TNRC6A: variants seen among roughly 807,000 people sequenced by gnomAD.
TNRC6A encodes the protein trinucleotide repeat containing adaptor 6A, also known as trinucleotide repeat-containing gene 6A protein.
A neutral mutation model predicts 221.2 loss-of-function variants in TNRC6A; 44 were observed. That is an observed-to-expected ratio of 0.20 (90% confidence interval 0.16 to 0.26). The LOEUF is 0.26. Ranked by LOEUF, TNRC6A falls within the 10% of genes least tolerant of loss-of-function variation. The pLI is 1.00. For missense variants in TNRC6A, 2,199 were observed against 2,404.4 expected (o/e 0.91, Z 1.79); for synonymous variants, 847 against 838.5 (o/e 1.01, Z -0.18).
At chr16:24,690,347 A>C (rs929844642) in intron 2 of TNRC6A, among the ~76,000 whole-genome samples, 5 of 152,246 alleles carry the variant, frequency 3.3e-5, no homozygotes, top group African/African-American at 4.8e-5. Context: ...AATAGGAAAT[A>C]ACAAGGAAGG....
At chr16:24,713,444 ACAAAC>A (rs779358288) in intron 2 of TNRC6A, among the ~76,000 whole-genome samples, 8,095 of 128,100 alleles carry the variant, frequency 0.063, 615 homozygotes, top group East Asian at 0.38. Flanking sequence ...AAACAAACAA[ACAAAC>A]AAAAAAATAT....
At chr16:24,708,868 A>G (rs545632466) in intron 2 of TNRC6A, among the ~76,000 whole-genome samples, 1 of 152,302 alleles carries the variant, frequency 6.6e-6, no homozygotes, top group South Asian at 2.1e-4. Flanking sequence ...CATGATACAC[A>G]TATGCCATAT....
intron 2 of TNRC6A, among the ~76,000 whole-genome samples, chr16:24,667,850 G>A (rs1485004558): frequency 6.6e-6 from 1 of 151,332 alleles, no homozygotes; most frequent in Admixed American, 6.6e-5. Flanking sequence ...ACCAGCCTGG[G>A]CAACATACCA....
chr16:24,661,242 C>T (rs1246926934), intron 2 of TNRC6A, among the ~76,000 whole-genome samples: 1 of 152,016 alleles, frequency 6.6e-6, no homozygotes, highest in Non-Finnish European at 1.5e-5. Context: ...CCCACCCTTC[C>T]CCTTCTGAGT....
chr16:24,631,083 A>G (rs1245589598), intron 1 of TNRC6A, among the ~76,000 whole-genome samples: 1 of 152,232 alleles, frequency 6.6e-6, no homozygotes, highest in Non-Finnish European at 1.5e-5. Flanking sequence ...AACTCTTGGA[A>G]TCAGAGAATT....
intron 2 of TNRC6A, among the ~76,000 whole-genome samples, chr16:24,692,078 T>G (rs990881782): frequency 2.0e-5 from 3 of 152,214 alleles, no homozygotes; most frequent in African/African-American, 7.2e-5. Context: ...AAGTATACTT[T>G]GCTTTCCTTT....
At chr16:24,738,862 TG>T (rs2151268670) in intron 2 of TNRC6A, among the ~76,000 whole-genome samples, 1 of 152,338 alleles carries the variant, frequency 6.6e-6, no homozygotes, top group East Asian at 1.9e-4. Flanking sequence ...TGTGTTGTTT[TG>T]TTTTGTTTTT....
chr16:24,680,674 C>A (rs1567351551), intron 2 of TNRC6A, among the ~76,000 whole-genome samples: 1 of 150,414 alleles, frequency 6.6e-6, no homozygotes, highest in Non-Finnish European at 1.5e-5. Flanking sequence ...CAGTATCCTG[C>A]CACTGCACTC....
Position 24,736,740 on chromosome 16 carries a change from A to G in TNRC6A, c.53+6440A>G, listed in dbSNP as rs1250247709. Among the ~76,000 whole-genome samples the G allele has an allele frequency of 2.6e-5, 4 of 152,160 alleles. No individual in the cohort carries two copies. The South Asian group carries it at 6.2e-4, about 24-fold the overall frequency. On this transcript the variant is annotated intron_variant, in intron 2 of 24. Coordinates refer to ENST00000395799, the MANE Select transcript of TNRC6A (RefSeq NM_014494.4). ...AGTAAATTAACCGAAAGGTTATCCA[A>G]TATTCTTACTTCTACACTGACTTGG...
At chr16:24,778,328 T>G (rs1426560326) in intron 5 of TNRC6A, 5 of 984,790 alleles carry the variant, frequency 5.1e-6, no homozygotes, top group Non-Finnish European at 6.0e-6. Context: ...TTGTAATATA[T>G]TATGGTATTT....
At chr16:24,616,893 C>T (rs1289342364) in intron 1 of TNRC6A, among the ~76,000 whole-genome samples, 1 of 152,086 alleles carries the variant, frequency 6.6e-6, no homozygotes, top group Admixed American at 6.6e-5. Context: ...TGCACTCCAG[C>T]CTGGGCCACA....
At chr16:24,658,289 A>G (rs1567331250) in intron 2 of TNRC6A, among the ~76,000 whole-genome samples, 2 of 152,148 alleles carry the variant, frequency 1.3e-5, no homozygotes, top group African/African-American at 2.4e-5. Flanking sequence ...TTCATTGCAC[A>G]GTTTTGCAAG....
At position 24,709,818 on chromosome 16, in the gene TNRC6A, C is replaced by T. The variant is rs555774890; in HGVS notation, n.403-40908C>T. ...CCAGCCTGGGCAACAGAACAAGACCCTGTCTCAAAAAAAAAAAAAAAAAGA... is the reference window on the plus strand; with the variant it reads ...CCAGCCTGGGCAACAGAACAAGACCTTGTCTCAAAAAAAAAAAAAAAAAGA... On this transcript the variant is annotated intron_variant and non_coding_transcript_variant, in intron 2 of 2. Coordinates refer to the TNRC6A transcript ENST00000566108. Among the ~76,000 whole-genome samples, 207 of 109,428 alleles carry T rather than the reference C, an allele frequency of 1.9e-3. 1 individual carries two copies. In the Middle Eastern group the frequency reaches 0.022, roughly 11 times the overall value. 71.8% of individuals were successfully genotyped at this position (109,428 alleles called of 152,430 possible). A position where few individuals can be genotyped will look rare whatever the true frequency, so the allele number is the denominator to read the frequency against.
At chr16:24,621,701 G>A (rs1424530493) in intron 1 of TNRC6A, among the ~76,000 whole-genome samples, 1 of 152,050 alleles carries the variant, frequency 6.6e-6, no homozygotes, top group African/African-American at 2.4e-5. Context: ...GTTTATATGT[G>A]TAACGTGTGC....
intron 2 of TNRC6A, among the ~76,000 whole-genome samples, chr16:24,750,201 A>G (rs982092383): frequency 3.6e-4 from 55 of 152,346 alleles, no homozygotes; most frequent in African/African-American, 1.3e-3. Flanking sequence ...GAATGTTGAT[A>G]GAATATGAAA....
At chr16:24,684,732 A>G (rs926072636) in intron 2 of TNRC6A, among the ~76,000 whole-genome samples, 2 of 150,466 alleles carry the variant, frequency 1.3e-5, no homozygotes, top group Non-Finnish European at 3.0e-5. Flanking sequence ...CCAGAGCCCA[A>G]GAGTTCGAGG....
At position 24,643,290 on chromosome 16, in the gene TNRC6A, A is replaced by G. The variant is rs1434290515; in HGVS notation, n.402+2281A>G. Among the ~76,000 whole-genome samples the G allele has an allele frequency of 2.6e-5, 4 of 151,362 alleles. No homozygotes were observed. The East Asian group carries it at 7.8e-4, about 29-fold the overall frequency. ...CTATTGCTTCTTTCCTTTTGTCATC[A>G]GGAATCCCCAGGAGTGCCGTGACAC... On this transcript the variant is annotated intron_variant and non_coding_transcript_variant, in intron 2 of 2. Transcript: ENST00000566108.
chr16:24,672,417 C>CAAA lies in TNRC6A; in HGVS notation n.402+31408_402+31409insAAA, dbSNP rs562496545. Among the ~76,000 whole-genome samples, 53 of 151,910 alleles carry CAAA rather than the reference C, an allele frequency of 3.5e-4. 1 individual carries two copies. The East Asian group carries it at 0.01, about 29-fold the overall frequency. On this transcript the variant is annotated intron_variant and non_coding_transcript_variant, in intron 2 of 2. Coordinates refer to the TNRC6A transcript ENST00000566108. Reference sequence around the variant, plus strand: ...TGCTGGGATTACAGGCGTGAGCCACCGCGCCTGGCCCTTTGTTTATTTTTT... The same window carrying CAAA: ...TGCTGGGATTACAGGCGTGAGCCACCAAAGCGCCTGGCCCTTTGTTTATTTTTT...
At chr16:24,779,610 A>G (rs1356161328) in intron 5 of TNRC6A, among the ~76,000 whole-genome samples, 1 of 152,142 alleles carries the variant, frequency 6.6e-6, no homozygotes, top group African/African-American at 2.4e-5. Flanking sequence ...CCCACACACT[A>G]CTAACTCATT....
Sources: gnomAD v4.1 joint callset for allele counts (sites outside exome capture counted in the v4.1 genomes callset) on GRCh38, gnomAD v4.1.1 for gene constraint, MANE v1.5 for transcripts, NCBI Gene and HGNC (gene_info 2026-07-23, HGNC 2026-07-21) for gene names.